ZCCHC14: variants seen among roughly 807,000 people sequenced by gnomAD.
ZCCHC14 encodes zinc finger CCHC domain-containing protein 14.
Under a neutral mutation model 85.0 loss-of-function variants are expected in ZCCHC14, and 16 were observed. The observed-to-expected ratio is 0.19, with a 90% CI of 0.13 to 0.29. The LOEUF is 0.29. Ranked by LOEUF, ZCCHC14 falls within the 10% of genes least tolerant of loss-of-function variation. The pLI is 1.00. For synonymous variants in ZCCHC14, 775 were observed against 630.7 expected, an observed-to-expected ratio of 1.23 and a Z score of -3.43; for missense variants, 1,303 against 1,443.5, an observed-to-expected ratio of 0.90 and a Z score of 1.58.
At chr16:87,415,925 T>A (rs532509951) in intron 8 of ZCCHC14, among the ~76,000 whole-genome samples, 2 of 152,234 alleles carry the variant, frequency 1.3e-5, no homozygotes, top group East Asian at 3.9e-4. Context: ...TGTTTTTGTT[T>A]GTTTGTTTTT....
At position 87,406,644 on chromosome 16, in the gene ZCCHC14, T is replaced by A. The variant is rs920207966; in HGVS notation, c.*3636A>T. Reference sequence around the variant, plus strand: ...TGATGAGGGCTTGTTACAACGCACGTGAGGCCGCGGCGGATGGCCACTGCC... The same window carrying A: ...TGATGAGGGCTTGTTACAACGCACGAGAGGCCGCGGCGGATGGCCACTGCC... On this transcript the variant is annotated 3_prime_UTR_variant, in exon 13 of 13. Transcript: ENST00000671377. 2.0e-5 allele frequency: 3 copies of A among 152,328 alleles called. No individual in the cohort carries two copies. The highest frequency in any genetic ancestry group is 6.5e-5 in the Admixed American group (1 of 15,276). 9.4% of individuals were successfully genotyped at this position (152,328 alleles called of 1,614,324 possible). A position where few individuals can be genotyped will look rare whatever the true frequency, so the allele number is the denominator to read the frequency against.
At chr16:87,429,936 G>A (rs1909566267) in intron 3 of ZCCHC14, among the ~76,000 whole-genome samples, 1 of 152,172 alleles carries the variant, frequency 6.6e-6, no homozygotes, top group Admixed American at 6.5e-5. Flanking sequence ...AAAAAGTTTT[G>A]AGAATTCTTT....
chr16:87,431,474 A>G (rs1274131689), intron 3 of ZCCHC14, among the ~76,000 whole-genome samples: 7 of 119,696 alleles, frequency 5.8e-5, no homozygotes, highest in Admixed American at 5.3e-4. Context: ...CTCTGTCTGA[A>G]AAAAAAAAAA....
At chr16:87,441,282 A>G (rs1910173012) in intron 2 of ZCCHC14, among the ~76,000 whole-genome samples, 1 of 152,184 alleles carries the variant, frequency 6.6e-6, no homozygotes, top group African/African-American at 2.4e-5. Flanking sequence ...GTGAGCCACC[A>G]TGCCCGGCCT....
intron 2 of ZCCHC14, among the ~76,000 whole-genome samples, chr16:87,452,577 G>T (rs1484620194): frequency 1.3e-5 from 2 of 152,158 alleles, no homozygotes; most frequent in Non-Finnish European, 2.9e-5. Flanking sequence ...GAAACAGAGA[G>T]GCAAGGGGAA....
intron 2 of ZCCHC14, among the ~76,000 whole-genome samples, chr16:87,444,954 C>T (rs1469970789): frequency 4.6e-5 from 7 of 152,032 alleles, no homozygotes; most frequent in Non-Finnish European, 8.8e-5. Flanking sequence ...CACATGATCA[C>T]GATTTGGGGA....
chr16:87,456,011 G>C (rs1204822283), intron 2 of ZCCHC14, among the ~76,000 whole-genome samples: 1 of 152,218 alleles, frequency 6.6e-6, no homozygotes, highest in Non-Finnish European at 1.5e-5. Flanking sequence ...AGCCCCCACT[G>C]TAAGTTGAAA....
chr16:87,439,137 C>CTTT (rs551734590), intron 2 of ZCCHC14, among the ~76,000 whole-genome samples: 5 of 145,772 alleles, frequency 3.4e-5, no homozygotes, highest in East Asian at 4.0e-4. Context: ...CATACAAGTT[C>CTTT]TTTTTTTTTT....
At chr16:87,457,064 GGA>G (rs1737288843) in intron 2 of ZCCHC14, among the ~76,000 whole-genome samples, 2 of 152,220 alleles carry the variant, frequency 1.3e-5, no homozygotes. Flanking sequence ...CTGGAGCGCT[GGA>G]GAGTGCACCG....
intron 3 of ZCCHC14, among the ~76,000 whole-genome samples, chr16:87,429,086 G>C (rs897276364): frequency 1.3e-5 from 2 of 152,182 alleles, no homozygotes; most frequent in African/African-American, 2.4e-5. Context: ...GAACTTACGG[G>C]TCATACTTTT....
chr16:87,483,362 G>A (rs553022336), intron 1 of ZCCHC14, among the ~76,000 whole-genome samples: 80 of 140,898 alleles, frequency 5.7e-4, no homozygotes, highest in South Asian at 3.4e-3. Flanking sequence ...TTGGTGGCAC[G>A]TGCCTGTAAT....
intron 1 of ZCCHC14, 67 bp from the exon 2 acceptor site, chr16:87,460,198 T>C (rs953421268): frequency 1.9e-6 from 3 of 1,564,326 alleles, no homozygotes. Flanking sequence ...ATTTTATTTG[T>C]TAATTAAGTC....
At chr16:87,487,023 T>C (rs1165902413) in intron 1 of ZCCHC14, among the ~76,000 whole-genome samples, 1 of 152,268 alleles carries the variant, frequency 6.6e-6, no homozygotes, top group African/African-American at 2.4e-5. Flanking sequence ...AACCAGAGGA[T>C]GAACTATCCC....
At chr16:87,423,993 G>A in intron 3 of ZCCHC14, 112 bp from the exon 4 acceptor site, 2 of 1,125,410 alleles carry the variant, frequency 1.8e-6, no homozygotes, top group East Asian at 2.6e-5. Flanking sequence ...GAGCCCAGTG[G>A]GCCGTGCACC....
At chr16:87,423,420 C>T (rs982619672) in intron 4 of ZCCHC14, among the ~76,000 whole-genome samples, 7 of 152,156 alleles carry the variant, frequency 4.6e-5, no homozygotes, top group African/African-American at 1.7e-4. Context: ...TAAATAAAAA[C>T]AGATAAAGGT....
chr16:87,417,371 T>G (rs1383533413), intron 8 of ZCCHC14, 89 bp downstream of exon 8: 1 of 1,540,396 alleles, frequency 6.5e-7, no homozygotes, highest in Non-Finnish European at 8.8e-7. Context: ...TTCATCCACC[T>G]TGTGTTGGTT....
At position 87,411,855 on chromosome 16, in the gene ZCCHC14, C is replaced by T. The variant is rs370262458; in HGVS notation, c.2866G>A (p.Val956Met). The change falls in exon 12 of 13, where the codon GTG (valine) becomes ATG (methionine). Residue 956 changes from valine (V) to methionine (M), a missense_variant. Physicochemically the swap from Val to Met is conservative, Grantham distance 21. This residue lies in a region of ZCCHC14 where 797 missense variants were observed against 730.8 expected (regional missense o/e 1.09). Transcript: ENST00000671377. ...YFQHPFSGPS[V>M]FTFPFLPFSP... ...AAGGGCAAGAAGGGGAAGGTGAACA[C>T]GGACGGACCGGAGAACGGGTGCTGG... The T allele has an allele frequency of 5.1e-5, 82 of 1,607,490 alleles. No individual in the cohort carries two copies. Among genetic ancestry groups the T allele is most frequent in the Non-Finnish European group, 6.2e-5 (73 of 1,177,476 alleles).
At chr16:87,437,293 C>G (rs1243277102) in intron 2 of ZCCHC14, among the ~76,000 whole-genome samples, 2 of 127,798 alleles carry the variant, frequency 1.6e-5, no homozygotes, top group African/African-American at 6.0e-5. Flanking sequence ...CTGAGATTTG[C>G]GCCATTGCAC....
rs551285359 is a variant in ZCCHC14, at chr16:87,492,917, G to GCGGCGACGGCGACGGCGA, written c.-697_-680dup. Among the ~76,000 whole-genome samples, 26 of 145,324 alleles carry GCGGCGACGGCGACGGCGA rather than the reference G, an allele frequency of 1.8e-4. No homozygotes were observed. Among genetic ancestry groups the GCGGCGACGGCGACGGCGA allele is most frequent in the Middle Eastern group, 3.4e-3 (1 of 292 alleles). On this transcript the variant is annotated 5_prime_UTR_variant, in exon 1 of 13. Transcript: ENST00000671377. This position sits in a 1 kb window ranked among gnomAD's most constrained non-coding sequence, Gnocchi z 6.7. ...GGATCCGGGCCCGAGCGCGGCGGCG[G>GCGGCGACGGCGACGGCGA]CGGCGACGGCGACGGCGACGGCGAC...
Sources: allele counts gnomAD v4.1 joint callset (sites outside exome capture counted in the v4.1 genomes callset), GRCh38; gene constraint gnomAD v4.1.1; regional missense constraint gnomAD v4.1.1; non-coding constraint Gnocchi (gnomAD v3.1); transcripts MANE v1.5; gene names NCBI Gene and HGNC (gene_info 2026-07-23, HGNC 2026-07-21).